Variants in CSPP1 observed in about 807,000 individuals in gnomAD.
The protein encoded by CSPP1 is centrosome and spindle pole-associated protein 1.
Under a neutral mutation model 164.4 loss-of-function variants are expected in CSPP1, and 126 were observed. The ratio of observed to expected loss-of-function variants is 0.77; its 90% confidence interval spans 0.66 to 0.89. The LOEUF (loss-of-function observed/expected upper bound fraction) is 0.89, where lower values mean the gene tolerates loss of function less well. Ranked by LOEUF, CSPP1 falls within the 40% of genes least tolerant of loss-of-function variation. CSPP1 has a pLI of 0.00. For synonymous variants in CSPP1, 472 were observed against 476.7 expected (o/e 0.99, Z 0.13); for missense variants, 1,395 against 1,449.8 (o/e 0.96, Z 0.61).
intron 9 of CSPP1, among the ~76,000 whole-genome samples, chr8:67,109,834 G>A (rs977114967): frequency 4.6e-5 from 7 of 152,070 alleles, no homozygotes; most frequent in African/African-American, 7.2e-5. Flanking sequence ...AGTGGATGGC[G>A]GGGTTACAGC....
intron 17 of CSPP1, among the ~76,000 whole-genome samples, chr8:67,142,283 A>C (rs1353935943): frequency 1.3e-5 from 2 of 152,226 alleles, no homozygotes; most frequent in Non-Finnish European, 2.9e-5. Flanking sequence ...AATAAAAATA[A>C]ATTAAAAGAT....
At chr8:67,123,409 C>T (rs1424758978) in intron 15 of CSPP1, among the ~76,000 whole-genome samples, 1 of 152,084 alleles carries the variant, frequency 6.6e-6, no homozygotes, top group Non-Finnish European at 1.5e-5. Context: ...TGTTCTGGTT[C>T]TCTTTTAGTA....
At chr8:67,167,267 C>T (rs1273234181) in intron 24 of CSPP1, among the ~76,000 whole-genome samples, 3 of 152,146 alleles carry the variant, frequency 2.0e-5, no homozygotes, top group Non-Finnish European at 4.4e-5. Context: ...GGCGGCTGGG[C>T]AGAGGGGCTC....
At chr8:67,092,101 T>C (rs970180758) in intron 5 of CSPP1, among the ~76,000 whole-genome samples, 2 of 152,242 alleles carry the variant, frequency 1.3e-5, no homozygotes, top group African/African-American at 4.8e-5. Context: ...ATTTCTTTAA[T>C]ATGTTGATTC....
intron 25 of CSPP1, chr8:67,173,883 CTCAT>C (rs1421159102): frequency 6.6e-6 from 1 of 152,036 alleles, no homozygotes; most frequent in Non-Finnish European, 1.5e-5. Context: ...CTTTTTCATT[CTCAT>C]TCTCTCATGT....
In CSPP1 at chr8:67,195,388, A is replaced by AGAGT; in HGVS notation, c.3477_3480dup (p.Ser1161GlufsTer5). Reference sequence around the variant, plus strand: ...TGTCCCTTGCCTCCTGTAGATGATGAGAGTTCACTGGTTGACCCTGATGAC... The same window carrying AGAGT: ...TGTCCCTTGCCTCCTGTAGATGATGAGAGTGAGTTCACTGGTTGACCCTGATGAC... On this transcript the variant is annotated frameshift_variant, in exon 31 of 31. Transcript: ENST00000678616. LOFTEE classifies it high-confidence loss of function. 1 of 1,613,170 alleles carries AGAGT rather than the reference A, an allele frequency of 6.2e-7. No individual in the cohort carries two copies. The highest frequency in any genetic ancestry group is 8.5e-7 in the Non-Finnish European group (1 of 1,179,222).
At chr8:67,173,670 A>G (rs760739504) in intron 25 of CSPP1, 3 of 151,954 alleles carry the variant, frequency 2.0e-5, no homozygotes, top group Non-Finnish European at 2.9e-5. Flanking sequence ...AAAAAAAAAG[A>G]TAAATTGTGT....
chr8:67,182,449 G>T (rs1227642445), intron 28 of CSPP1, among the ~76,000 whole-genome samples: 1 of 152,130 alleles, frequency 6.6e-6, no homozygotes, highest in Non-Finnish European at 1.5e-5. Flanking sequence ...CTATGAATAG[G>T]TGTACAATTA....
chr8:67,172,048 A>G (rs1038999097), intron 24 of CSPP1, among the ~76,000 whole-genome samples: 10 of 139,538 alleles, frequency 7.2e-5, no homozygotes, highest in Admixed American at 7.1e-4. Context: ...GGGTTTCTCC[A>G]CGTTGGCCCA....
intron 24 of CSPP1, among the ~76,000 whole-genome samples, chr8:67,171,758 G>A (rs1830506368): frequency 6.6e-6 from 1 of 152,014 alleles, no homozygotes; most frequent in African/African-American, 2.4e-5. Context: ...ATTTTGGCCA[G>A]GCTGGTCTCA....
rs905786433 is a variant in CSPP1, at chr8:67,113,876, G to T, written c.1245+14G>T. 30 of 1,520,192 alleles carry T rather than the reference G, an allele frequency of 2.0e-5. No individual in the cohort carries two copies. Among genetic ancestry groups the T allele is most frequent in the Non-Finnish European group, 2.6e-5 (29 of 1,102,560 alleles). 94.2% of individuals were successfully genotyped at this position (1,520,192 alleles called of 1,614,324 possible). Reference sequence around the variant, plus strand: ...CCTGAGAAATCGGTAAGGGTTTCTGGCATCTTTTAATGTTTAATCTTTCAT... The same window carrying T: ...CCTGAGAAATCGGTAAGGGTTTCTGTCATCTTTTAATGTTTAATCTTTCAT... On this transcript the variant is annotated intron_variant, in intron 11 of 30. Transcript: ENST00000678616.
At chr8:67,184,094 C>A (rs2129572582) in intron 28 of CSPP1, among the ~76,000 whole-genome samples, 1 of 152,160 alleles carries the variant, frequency 6.6e-6, no homozygotes, top group East Asian at 1.9e-4. Flanking sequence ...CTCAGGTGAT[C>A]CCCCGGCCTT....
intron 29 of CSPP1, among the ~76,000 whole-genome samples, chr8:67,192,999 G>GA (rs529022169): frequency 1.5e-3 from 223 of 152,262 alleles, no homozygotes; most frequent in African/African-American, 5.1e-3. Flanking sequence ...CCTTATCCTT[G>GA]AGAGTCATCT....
intron 4 of CSPP1, among the ~76,000 whole-genome samples, chr8:67,091,062 C>T (rs1302974167): frequency 2.0e-5 from 3 of 152,182 alleles, no homozygotes; most frequent in East Asian, 3.9e-4. Context: ...ATTTGCTTTA[C>T]AGCTTTCAAA....
At chr8:67,106,512 T>G (rs762252669) in intron 9 of CSPP1, among the ~76,000 whole-genome samples, 13 of 152,334 alleles carry the variant, frequency 8.5e-5, no homozygotes, top group Middle Eastern at 3.4e-3. Flanking sequence ...AATTAAACCT[T>G]TCTTTCCTTT....
intron 21 of CSPP1, among the ~76,000 whole-genome samples, chr8:67,159,484 G>GTT (rs1827305279): frequency 1.7e-5 from 2 of 120,464 alleles, no homozygotes; most frequent in African/African-American, 6.3e-5. Context: ...AGTGAGAGTG[G>GTT]TTTATATATA....
intron 28 of CSPP1, among the ~76,000 whole-genome samples, chr8:67,184,036 A>G (rs528215750): frequency 2.0e-5 from 3 of 152,140 alleles, no homozygotes; most frequent in Admixed American, 6.5e-5. Flanking sequence ...TATTTTTAGT[A>G]GAGACGGGGT....
At chr8:67,179,948 A>G (rs771991820) in intron 28 of CSPP1, 22 bp downstream of exon 28, 1 of 1,347,858 alleles carries the variant, frequency 7.4e-7, no homozygotes, top group South Asian at 1.2e-5. Flanking sequence ...TATTTTATTA[A>G]GGCTATATTG....
At chr8:67,170,948 G>A (rs1380842769) in intron 24 of CSPP1, among the ~76,000 whole-genome samples, 5 of 150,936 alleles carry the variant, frequency 3.3e-5, no homozygotes, top group Admixed American at 6.6e-5. Context: ...CACCCCACCC[G>A]GCTAATTTTT....
Sources: allele counts gnomAD v4.1 joint callset (sites outside exome capture counted in the v4.1 genomes callset), GRCh38; gene constraint gnomAD v4.1.1; transcripts MANE v1.5; gene names NCBI Gene and HGNC (gene_info 2026-07-23, HGNC 2026-07-21).